The following KLF8 variants were observed in gnomAD, a reference collection of about 807,000 sequenced individuals.
The protein encoded by KLF8 is Krueppel-like factor 8.
A neutral mutation model predicts 18.2 loss-of-function variants in KLF8; 10 were observed. The observed-to-expected ratio is 0.55, with a 90% CI of 0.34 to 0.93. The LOEUF is 0.93. Among genes scored for constraint, KLF8 ranks in the 40% least tolerant of loss-of-function variants. KLF8 has a pLI of 0.02. For synonymous variants in KLF8, 109 were observed against 97.3 expected (o/e 1.12, Z -0.71); for missense variants, 264 against 277.9 (o/e 0.95, Z 0.36).
intron 2 of KLF8, among the ~76,000 whole-genome samples, chrX:56,264,552 T>C (rs1291114862): frequency 3.6e-5 from 4 of 111,098 alleles, no homozygotes; most frequent in African/African-American, 1.3e-4. Context: ...TTGCATATAA[T>C]ACAACTAACT....
chrX:56,076,198 G>C, the KLF8 span, among the ~76,000 whole-genome samples: 1 of 108,362 alleles, frequency 9.2e-6, no homozygotes, highest in Non-Finnish European at 1.9e-5. Flanking sequence ...GTGCAGGTTA[G>C]TTACATATGT....
At chrX:56,219,038 C>CA in the KLF8 span, among the ~76,000 whole-genome samples, 1 of 111,784 alleles carries the variant, frequency 8.9e-6, no homozygotes, top group Non-Finnish European at 1.9e-5. Flanking sequence ...AACAAGCACA[C>CA]ATAATAGAAT....
At chrX:55,952,527 T>C in the KLF8 span, among the ~76,000 whole-genome samples, 1 of 112,238 alleles carries the variant, frequency 8.9e-6, no homozygotes, top group Non-Finnish European at 1.9e-5. Flanking sequence ...CTGCATCACT[T>C]CCACCTCTCT....
chrX:56,018,814 TGA>T, the KLF8 span, among the ~76,000 whole-genome samples: 1 of 110,837 alleles, frequency 9.0e-6, no homozygotes, highest in African/African-American at 3.3e-5. Flanking sequence ...TTAAAACAAA[TGA>T]GAGAGTAAGA....
chrX:56,184,170 A>G, the KLF8 span, among the ~76,000 whole-genome samples: 1 of 112,280 alleles, frequency 8.9e-6, no homozygotes, highest in Non-Finnish European at 1.9e-5. Flanking sequence ...CTCCCACCCT[A>G]ACACTGCGCA....
the KLF8 span, among the ~76,000 whole-genome samples, chrX:55,971,940 C>T: frequency 9.1e-6 from 1 of 110,192 alleles, no homozygotes; most frequent in African/African-American, 3.3e-5. Context: ...AAAAGGGCAC[C>T]CTTACACACT....
chrX:56,138,146 C>T, the KLF8 span, among the ~76,000 whole-genome samples: 1 of 108,060 alleles, frequency 9.3e-6, no homozygotes, highest in Non-Finnish European at 1.9e-5. Context: ...GAATTGATAC[C>T]CTAAACAGAC....
At chrX:56,277,851 G>A (rs966679711) in intron 5 of KLF8, among the ~76,000 whole-genome samples, 3 of 112,457 alleles carry the variant, frequency 2.7e-5, no homozygotes, top group Non-Finnish European at 3.8e-5. Context: ...GGCTGAATTG[G>A]CACTCAAACC....
the KLF8 span, among the ~76,000 whole-genome samples, chrX:56,202,894 T>A: frequency 9.0e-6 from 1 of 111,302 alleles, no homozygotes; most frequent in African/African-American, 3.3e-5. Context: ...ACATAGAGGT[T>A]CAGATATCTC....
chrX:56,136,553 T>G, the KLF8 span, among the ~76,000 whole-genome samples: 3 of 111,610 alleles, frequency 2.7e-5, no homozygotes, highest in Admixed American at 1.9e-4. Context: ...CTAGCCATAT[T>G]TAGGAAGCTG....
the KLF8 span, among the ~76,000 whole-genome samples, chrX:56,087,660 A>T: frequency 9.0e-6 from 1 of 111,673 alleles, no homozygotes; most frequent in Non-Finnish European, 1.9e-5. Context: ...ACAATGCAGT[A>T]TTCCAAGCAA....
At chrX:56,163,381 C>T in the KLF8 span, among the ~76,000 whole-genome samples, 3 of 112,058 alleles carry the variant, frequency 2.7e-5, no homozygotes, top group African/African-American at 9.7e-5. Flanking sequence ...TTTTTGGCTG[C>T]ATTTATGTCT....
At position 56,270,162 on chromosome X, in the gene KLF8, A is replaced by G; in HGVS notation, c.759-20A>G. On this transcript the variant is annotated intron_variant, in intron 4 of 5. Coordinates refer to ENST00000468660, the MANE Select transcript of KLF8 (RefSeq NM_007250.5). ...CACTTTAAAGTCACTGTTTGGCTTT[A>G]TCTCTATTTCTTTGATCAGACCAGC... is the stretch of plus-strand genomic sequence containing the variant. The G allele has an allele frequency of 1.5e-5, 18 of 1,187,956 alleles. No individual in the cohort carries two copies. Among genetic ancestry groups the G allele is most frequent in the Non-Finnish European group, 1.9e-5 (17 of 883,066 alleles).
chrX:56,006,242 G>T, the KLF8 span, among the ~76,000 whole-genome samples: 1 of 112,256 alleles, frequency 8.9e-6, no homozygotes, highest in African/African-American at 3.2e-5. Flanking sequence ...TGAAGTGTCT[G>T]TAGTGGTTGT....
the KLF8 span, among the ~76,000 whole-genome samples, chrX:56,179,815 A>C: frequency 8.9e-6 from 1 of 111,792 alleles, no homozygotes; most frequent in Admixed American, 9.5e-5. Context: ...GTATGTTGAA[A>C]CAGCCTTGCA....
At chrX:56,022,276 G>A in the KLF8 span, among the ~76,000 whole-genome samples, 3 of 110,844 alleles carry the variant, frequency 2.7e-5, no homozygotes, top group Non-Finnish European at 5.7e-5. Flanking sequence ...GCCAGGCATG[G>A]TGGCTCATGC....
the KLF8 span, among the ~76,000 whole-genome samples, chrX:55,979,296 A>C: frequency 7.1e-4 from 80 of 112,097 alleles, no homozygotes; most frequent in African/African-American, 2.4e-3. Flanking sequence ...GATGTGAATC[A>C]TCTCTTTGCC....
the KLF8 span, among the ~76,000 whole-genome samples, chrX:56,187,551 C>A: frequency 7.2e-5 from 8 of 111,583 alleles, no homozygotes; most frequent in Non-Finnish European, 1.5e-4. Flanking sequence ...GATACCAAAG[C>A]CGGGCAGAGA....
the KLF8 span, among the ~76,000 whole-genome samples, chrX:56,063,329 G>C: frequency 9.0e-6 from 1 of 111,395 alleles, no homozygotes; most frequent in Non-Finnish European, 1.9e-5. Context: ...TTTAGTGTTC[G>C]TGACCTTCAG....
Sources: allele counts gnomAD v4.1 joint callset (sites outside exome capture counted in the v4.1 genomes callset), GRCh38; gene constraint gnomAD v4.1.1; transcripts MANE v1.5; gene names NCBI Gene and HGNC (gene_info 2026-07-23, HGNC 2026-07-21).